CLMP: variants seen among roughly 807,000 people sequenced by gnomAD.
CLMP encodes CXADR-like membrane protein.
A neutral mutation model predicts 45.2 loss-of-function variants in CLMP; 27 were observed. The ratio of observed to expected loss-of-function variants is 0.60; its 90% CI spans 0.44 to 0.82. The LOEUF (loss-of-function observed/expected upper bound fraction) is 0.82. Ranked by LOEUF, CLMP falls within the 40% of genes least tolerant of loss-of-function variation. CLMP has a pLI of 0.00. For missense variants in CLMP, 403 were observed against 448.4 expected (o/e 0.90, Z 0.91); for synonymous variants, 167 against 171.4 (o/e 0.97, Z 0.20).
chr11:123,123,746 C>T (rs554573552), intron 1 of CLMP, among the ~76,000 whole-genome samples: 1 of 152,268 alleles, frequency 6.6e-6, no homozygotes, highest in South Asian at 2.1e-4. Flanking sequence ...TACACAATTC[C>T]TGACTCCTGT....
chr11:123,173,630 C>G (rs1861663434), intron 1 of CLMP, among the ~76,000 whole-genome samples: 1 of 152,184 alleles, frequency 6.6e-6, no homozygotes, highest in Admixed American at 6.5e-5. Context: ...TTCTTAACCT[C>G]TAAGAGCCTC....
At position 123,095,347 on chromosome 11, in the gene CLMP, C is replaced by T. The variant is rs151107671; in HGVS notation, c.186+2448G>A. Among the ~76,000 whole-genome samples, 51 of 151,900 alleles carry T rather than the reference C, an allele frequency of 3.4e-4. 1 individual carries two copies. In the East Asian group the frequency reaches 9.5e-3, roughly 28 times the overall value. On this transcript the variant is annotated intron_variant, in intron 2 of 6. Transcript: ENST00000448775. ...TTGCTCTGTTGCCCAGGCTGGAGTGCAATGGCTCGATCTCAGCTCCAAGCT... is the reference window on the plus strand; with the variant it reads ...TTGCTCTGTTGCCCAGGCTGGAGTGTAATGGCTCGATCTCAGCTCCAAGCT...
rs1039600221 is a variant in CLMP, at chr11:123,195,120, C to T, written c.-180G>A. 2.3e-5 allele frequency: 8 copies of T among 350,034 alleles called. No homozygotes were observed. The highest frequency in any genetic ancestry group is 5.0e-5 in the Admixed American group (1 of 19,860). The allele number at this position is 350,034 out of a possible 1,614,324, so 21.7% of individuals were successfully genotyped here. Reference sequence around the variant, plus strand: ...CCCCGTGCCCCTGGGGGCAGATGGGCTCCCGGCGCTCGCCCCACCAGCTGG... The same window carrying T: ...CCCCGTGCCCCTGGGGGCAGATGGGTTCCCGGCGCTCGCCCCACCAGCTGG... On this transcript the variant is annotated 5_prime_UTR_variant, in exon 1 of 7. Transcript: ENST00000448775.
chr11:123,074,437 C>T (rs1865710984), intron 6 of CLMP, among the ~76,000 whole-genome samples: 1 of 152,148 alleles, frequency 6.6e-6, no homozygotes, highest in African/African-American at 2.4e-5. Context: ...CCGCCTCGGC[C>T]TCCCAAAGTG....
intron 5 of CLMP, among the ~76,000 whole-genome samples, chr11:123,082,651 C>T (rs976270981): frequency 6.7e-6 from 1 of 149,284 alleles, no homozygotes; most frequent in Non-Finnish European, 1.5e-5. Flanking sequence ...CAGTCTGTCA[C>T]CCAGACTGGA....
intron 1 of CLMP, among the ~76,000 whole-genome samples, chr11:123,125,141 G>T (rs536816704): frequency 2.6e-5 from 4 of 152,214 alleles, no homozygotes; most frequent in Non-Finnish European, 5.9e-5. Flanking sequence ...CAGGCAATCC[G>T]CCTGCCTCGG....
intron 1 of CLMP, among the ~76,000 whole-genome samples, chr11:123,111,608 C>G (rs949155): frequency 0.11 from 17,326 of 152,132 alleles, 1,088 homozygotes; most frequent in Admixed American, 0.14. Flanking sequence ...GAGGATTAGC[C>G]AGGCCTCACC....
chr11:123,167,035 C>G (rs1861567334), intron 1 of CLMP, among the ~76,000 whole-genome samples: 1 of 152,160 alleles, frequency 6.6e-6, no homozygotes, highest in African/African-American at 2.4e-5. Context: ...AGTTAACATG[C>G]CAGGCATGGC....
intron 1 of CLMP, among the ~76,000 whole-genome samples, chr11:123,099,299 A>C (rs1327050111): frequency 6.6e-6 from 1 of 152,210 alleles, no homozygotes; most frequent in Non-Finnish European, 1.5e-5. Flanking sequence ...ACTTTCTTTA[A>C]GTCTAGTAAC....
chr11:123,182,336 T>C (rs926694198), intron 1 of CLMP, among the ~76,000 whole-genome samples: 1 of 152,116 alleles, frequency 6.6e-6, no homozygotes, highest in African/African-American at 2.4e-5. Flanking sequence ...CCGAGCGAGG[T>C]CATCACCACA....
chr11:123,143,480 C>A (rs1323767310), intron 1 of CLMP, among the ~76,000 whole-genome samples: 1 of 151,430 alleles, frequency 6.6e-6, no homozygotes, highest in Non-Finnish European at 1.5e-5. Flanking sequence ...GTACTGCCAG[C>A]CTTGAAGAAG....
chr11:123,146,271 G>A (rs961952767), intron 1 of CLMP, among the ~76,000 whole-genome samples: 2 of 152,178 alleles, frequency 1.3e-5, no homozygotes, highest in African/African-American at 2.4e-5. Context: ...GGTGGCTCGC[G>A]TCTGTAATCC....
At chr11:123,142,166 G>A (rs1861170616) in intron 1 of CLMP, among the ~76,000 whole-genome samples, 1 of 151,934 alleles carries the variant, frequency 6.6e-6, no homozygotes, top group South Asian at 2.1e-4. Context: ...TGTACTTTTT[G>A]TAGAGATGGA....
At chr11:123,145,739 T>C (rs933295220) in intron 1 of CLMP, among the ~76,000 whole-genome samples, 5 of 152,188 alleles carry the variant, frequency 3.3e-5, no homozygotes, top group Admixed American at 2.6e-4. Context: ...GCTGGGATTA[T>C]AGGCGTGAGC....
At chr11:123,139,676 C>T (rs1361966731) in intron 1 of CLMP, among the ~76,000 whole-genome samples, 3 of 152,048 alleles carry the variant, frequency 2.0e-5, no homozygotes, top group Non-Finnish European at 4.4e-5. Flanking sequence ...ATTAGCTGGG[C>T]ATGGTGGCGC....
intron 1 of CLMP, among the ~76,000 whole-genome samples, chr11:123,186,674 C>T (rs1861839481): frequency 6.6e-6 from 1 of 152,154 alleles, no homozygotes; most frequent in Admixed American, 6.5e-5. Context: ...AGGCGTGCGT[C>T]ACCACACCAG....
chr11:123,194,855 A>C, intron 1 of CLMP, 58 bp downstream of exon 1: 1 of 1,607,214 alleles, frequency 6.2e-7, no homozygotes. Context: ...TCTTTCCCGG[A>C]CGCAGGGCTG....
intron 5 of CLMP, among the ~76,000 whole-genome samples, chr11:123,078,533 G>C (rs1229315809): frequency 6.6e-6 from 1 of 151,610 alleles, no homozygotes; most frequent in African/African-American, 2.4e-5. Context: ...TGCAACTTCT[G>C]TCTCCCAGGT....
In CLMP at chr11:123,083,093, G is replaced by C. The variant is rs1364593424; in HGVS notation, c.671C>G (p.Thr224Ser). Residue 224 changes from threonine (T) to serine (S), a missense_variant, in exon 5 of 7, where the codon ACT (threonine) becomes AGT (serine). Thr to Ser is a moderately conservative substitution (Grantham distance 58, BLOSUM62 1). Coordinates refer to ENST00000448775, the MANE Select transcript of CLMP (RefSeq NM_024769.5). ...CCTCTTTGGATGCTTACACTGTACA[G>C]TTACTCGCACCACACAGCTTTCCTT... The part of the protein sequence containing the change: ...AGKESCVVRV[T>S]VQYVQSIGMV... 2 of 1,614,204 alleles carry C rather than the reference G, an allele frequency of 1.2e-6. No homozygotes were observed. The highest frequency in any genetic ancestry group is 4.5e-5 in the East Asian group (2 of 44,886).
Sources: allele counts gnomAD v4.1 joint callset (sites outside exome capture counted in the v4.1 genomes callset), GRCh38; gene constraint gnomAD v4.1.1; transcripts MANE v1.5; gene names NCBI Gene and HGNC (gene_info 2026-07-23, HGNC 2026-07-21).